Variants in PLCG2 observed in about 807,000 individuals in gnomAD.
The protein encoded by PLCG2 is phospholipase C gamma 2.
PLCG2 carries 69 observed loss-of-function variants against 175.6 expected under a neutral mutation model. That is an observed-to-expected ratio of 0.39 (90% CI 0.32 to 0.48). PLCG2 has a LOEUF of 0.48. PLCG2 is among the 20% of genes least tolerant of loss of function. The pLI is 0.91. For missense variants in PLCG2, 1,798 were observed against 1,650.9 expected, an observed-to-expected ratio of 1.09 and a Z score of -1.54; for synonymous variants, 827 against 624.0, an observed-to-expected ratio of 1.33 and a Z score of -4.85.
chr16:81,802,752 G>A (rs1911790429), intron 2 of PLCG2, among the ~76,000 whole-genome samples: 1 of 151,994 alleles, frequency 6.6e-6, no homozygotes. Context: ...TGTATTTTTA[G>A]TAGGGACGGC....
At chr16:81,794,511 G>A (rs984622387) in intron 2 of PLCG2, among the ~76,000 whole-genome samples, 1 of 152,080 alleles carries the variant, frequency 6.6e-6, no homozygotes, top group Non-Finnish European at 1.5e-5. Flanking sequence ...ACTGGTATGC[G>A]GTGATGGTAT....
chr16:81,863,726 AC>A (rs1907094350), intron 5 of PLCG2, among the ~76,000 whole-genome samples: 2 of 152,300 alleles, frequency 1.3e-5, no homozygotes, highest in Admixed American at 1.3e-4. Context: ...ACCAACACTT[AC>A]TTCCTTTCCC....
At chr16:81,924,148 T>G (rs531534195) in intron 22 of PLCG2, among the ~76,000 whole-genome samples, 4 of 152,344 alleles carry the variant, frequency 2.6e-5, no homozygotes, top group African/African-American at 7.2e-5. Context: ...CTGGGTATGC[T>G]AGGGTTTAGT....
chr16:81,917,367 C>T (rs1195501563), intron 19 of PLCG2, among the ~76,000 whole-genome samples: 1 of 152,038 alleles, frequency 6.6e-6, no homozygotes, highest in Non-Finnish European at 1.5e-5. Flanking sequence ...GGGAGTGCAG[C>T]TTTCTCTTTG....
Position 81,910,682 on chromosome 16 carries a change from G to A in PLCG2, c.1896G>A (p.Thr632=), listed in dbSNP as rs746397807. ...LRCAEFELRL[T]DPVPNPNPHE... ...GCGCCGAGTTCGAGCTGCGGCTCAC[G>A]GACCCTGTGCCCAACCCCAACCCCC... Residue 632 remains threonine (T), a synonymous_variant, in exon 18 of 33, where the codon ACG becomes ACA. Coordinates refer to ENST00000564138, the MANE Select transcript of PLCG2 (RefSeq NM_002661.5). The A allele has an allele frequency of 6.2e-6, 10 of 1,612,308 alleles. No individual in the cohort carries two copies. Among genetic ancestry groups the A allele is most frequent in the Non-Finnish European group, 6.8e-6 (8 of 1,179,986 alleles).
chr16:81,790,107 C>G (rs1227203151), intron 2 of PLCG2, among the ~76,000 whole-genome samples: 2 of 152,176 alleles, frequency 1.3e-5, no homozygotes, highest in South Asian at 2.1e-4. Context: ...ACCCCACAGG[C>G]TCATGGTTGG....
intron 19 of PLCG2, among the ~76,000 whole-genome samples, chr16:81,916,682 G>C (rs951302384): frequency 4.6e-5 from 7 of 151,904 alleles, no homozygotes; most frequent in Non-Finnish European, 7.4e-5. Flanking sequence ...CTGTTGCCCA[G>C]TCTGGAGTGC....
chr16:81,793,041 C>G (rs145364512), intron 2 of PLCG2, among the ~76,000 whole-genome samples: 1 of 152,252 alleles, frequency 6.6e-6, no homozygotes, highest in East Asian at 1.9e-4. Context: ...ATAATCGAAA[C>G]TTAATACAAT....
chr16:81,846,638 C>T (rs146376124), intron 2 of PLCG2, among the ~76,000 whole-genome samples: 63 of 152,304 alleles, frequency 4.1e-4, no homozygotes, highest in Non-Finnish European at 8.4e-4. Flanking sequence ...TTAAAAAGAT[C>T]ATGAGTAGAT....
In PLCG2 at chr16:81,961,974, AG is replaced by A. The variant is rs1398629401; in HGVS notation, c.*3979del. On this transcript the variant is annotated 3_prime_UTR_variant, in exon 33 of 33. Transcript: ENST00000564138. ...GACATCTGTCACCCCATTGATCGCC[AG>A]GGTTGATTCGGCTGATCTGGCTGGC... is the stretch of plus-strand genomic sequence containing the variant. 1 of 197,336 alleles carries A rather than the reference AG, an allele frequency of 5.1e-6. No homozygotes were observed. The highest frequency in any genetic ancestry group is 2.3e-5 in the African/African-American group (1 of 43,178). The allele number at this position is 197,336 out of a possible 1,614,324, so 12.2% of individuals were successfully genotyped here.
At chr16:81,948,524 C>A (rs1235854364) in intron 31 of PLCG2, among the ~76,000 whole-genome samples, 1 of 152,118 alleles carries the variant, frequency 6.6e-6, no homozygotes, top group East Asian at 1.9e-4. Context: ...GAAGAAAACC[C>A]AGGATGTTGT....
At chr16:81,809,719 C>A (rs779635083) in intron 2 of PLCG2, among the ~76,000 whole-genome samples, 1 of 151,588 alleles carries the variant, frequency 6.6e-6, no homozygotes, top group Admixed American at 6.6e-5. Flanking sequence ...ATGTGTCTTT[C>A]TCCTCTTGCC....
intron 2 of PLCG2, among the ~76,000 whole-genome samples, chr16:81,767,143 T>G (rs868669529): frequency 6.1e-4 from 83 of 136,560 alleles, no homozygotes; most frequent in African/African-American, 2.2e-3. Context: ...GTGGTTTTTT[T>G]TTTTTTTTTT....
chr16:81,777,318 C>T (rs530718519), upstream of PLCG2, among the ~76,000 whole-genome samples: 1 of 151,166 alleles, frequency 6.6e-6, no homozygotes, highest in African/African-American at 2.4e-5. Flanking sequence ...TCCATGTAGA[C>T]TTTGTAATAA....
chr16:81,823,590 A>T (rs1303222059), intron 2 of PLCG2, among the ~76,000 whole-genome samples: 3 of 152,042 alleles, frequency 2.0e-5, no homozygotes, highest in Non-Finnish European at 2.9e-5. Context: ...CAGTAGTGTG[A>T]TCATAGCTCA....
At chr16:81,873,845 T>G (rs775040782) in intron 7 of PLCG2, among the ~76,000 whole-genome samples, 1 of 152,224 alleles carries the variant, frequency 6.6e-6, no homozygotes, top group Non-Finnish European at 1.5e-5. Flanking sequence ...ACCCATTCAT[T>G]GATGGTTTCC....
chr16:81,860,066 G>A (rs1300405280), intron 5 of PLCG2, among the ~76,000 whole-genome samples: 1 of 151,582 alleles, frequency 6.6e-6, no homozygotes, highest in Non-Finnish European at 1.5e-5. Context: ...AAAGTCCTGG[G>A]CTCAAACGAT....
At chr16:81,914,308 G>A (rs921867213) in intron 19 of PLCG2, among the ~76,000 whole-genome samples, 9 of 152,196 alleles carry the variant, frequency 5.9e-5, no homozygotes, top group African/African-American at 1.2e-4. Flanking sequence ...GCATGCTGGC[G>A]TTACTCTCCA....
rs778269182 is a variant in PLCG2 at position 81,921,232 on chromosome 16, G to C, written c.2270G>C (p.Arg757Thr). The part of the protein sequence containing the change: ...RDINSLYDVS[R>T]MYVDPSEINP... ...ATAAACTCCCTCTACGACGTCAGCA[G>C]AATGTATGTGGATCCCAGTGAAATC... The change falls in exon 21 of 33, where the codon AGA (arginine) becomes ACA (threonine). Residue 757 changes from arginine (R) to threonine (T), a missense_variant. Coordinates refer to ENST00000564138, the MANE Select transcript of PLCG2 (RefSeq NM_002661.5). 4 of 1,608,888 alleles carry C rather than the reference G, an allele frequency of 2.5e-6. No individual in the cohort carries two copies. Among genetic ancestry groups the C allele is most frequent in the Non-Finnish European group, 3.4e-6 (4 of 1,175,320 alleles).
Sources: allele counts gnomAD v4.1 joint callset (sites outside exome capture counted in the v4.1 genomes callset), GRCh38; gene constraint gnomAD v4.1.1; transcripts MANE v1.5; gene names NCBI Gene and HGNC (gene_info 2026-07-23, HGNC 2026-07-21).